The following CMSS1 variants were observed in gnomAD, a reference collection of about 807,000 sequenced individuals.
CMSS1 encodes cms1 ribosomal small subunit homolog.
CMSS1 carries 33 observed loss-of-function variants against 43.5 expected under a neutral mutation model. The ratio of observed to expected loss-of-function variants is 0.76; its 90% CI spans 0.57 to 1.01. CMSS1 has a LOEUF of 1.01. CMSS1 is among the 50% of genes least tolerant of loss of function. CMSS1 has a pLI of 0.00. For missense variants in CMSS1, 313 were observed against 326.4 expected (o/e 0.96, Z 0.32); for synonymous variants, 115 against 117.2 (o/e 0.98, Z 0.12).
chr3:99,931,565 C>G (rs567737736), intron 1 of CMSS1, among the ~76,000 whole-genome samples: 73 of 152,202 alleles, frequency 4.8e-4, no homozygotes, highest in Non-Finnish European at 6.6e-4. Context: ...TACAGAATTA[C>G]TGCATTATTT....
intron 1 of CMSS1, chr3:100,011,586 G>A (rs1276690031): frequency 2.6e-5 from 4 of 152,120 alleles, no homozygotes; most frequent in African/African-American, 9.7e-5. Context: ...AGCACTTATT[G>A]TTGCTGATTG....
At chr3:100,013,425 G>T (rs1459674108) in intron 1 of CMSS1, among the ~76,000 whole-genome samples, 1 of 151,538 alleles carries the variant, frequency 6.6e-6, no homozygotes, top group East Asian at 1.9e-4. Context: ...TATATTTTTA[G>T]TAGAGACCGG....
At chr3:99,955,509 G>A (rs577663561) in intron 1 of CMSS1, among the ~76,000 whole-genome samples, 1 of 152,148 alleles carries the variant, frequency 6.6e-6, no homozygotes, top group South Asian at 2.1e-4. Context: ...GTTGAATCAG[G>A]AAGCCAGTTC....
intron 1 of CMSS1, among the ~76,000 whole-genome samples, chr3:100,049,749 T>G (rs2065338706): frequency 6.6e-6 from 1 of 152,234 alleles, no homozygotes; most frequent in Non-Finnish European, 1.5e-5. Flanking sequence ...TACTTTCTCT[T>G]CCTTATGATT....
At chr3:100,035,305 A>C (rs1379065463) in intron 1 of CMSS1, among the ~76,000 whole-genome samples, 1 of 152,070 alleles carries the variant, frequency 6.6e-6, no homozygotes, top group Non-Finnish European at 1.5e-5. Context: ...ACACAGTCTC[A>C]CTCTGTCACC....
At chr3:100,035,030 CTCCA>C (rs1318441416) in intron 1 of CMSS1, among the ~76,000 whole-genome samples, 1 of 152,114 alleles carries the variant, frequency 6.6e-6, no homozygotes, top group East Asian at 1.9e-4. Flanking sequence ...AGGGGGTTCT[CTCCA>C]GATAGCTTGA....
chr3:99,875,065 AT>A (rs1705441916), intron 1 of CMSS1, among the ~76,000 whole-genome samples: 1 of 152,222 alleles, frequency 6.6e-6, no homozygotes, highest in Admixed American at 6.5e-5. Flanking sequence ...TTAAAGTTTT[AT>A]TTTACAATAT....
intron 1 of CMSS1, among the ~76,000 whole-genome samples, chr3:100,081,547 G>T (rs2065932119): frequency 6.6e-6 from 1 of 152,132 alleles, no homozygotes; most frequent in African/African-American, 2.4e-5. Flanking sequence ...GACTCATGAA[G>T]ATTCTTTGGT....
At chr3:99,991,657 A>G (rs574422208) in intron 1 of CMSS1, among the ~76,000 whole-genome samples, 1 of 151,942 alleles carries the variant, frequency 6.6e-6, no homozygotes, top group South Asian at 2.1e-4. Flanking sequence ...CTGTATGTCC[A>G]TGTATATCCA....
At chr3:99,819,447 T>C (rs1292811444) in intron 1 of CMSS1, among the ~76,000 whole-genome samples, 1 of 152,220 alleles carries the variant, frequency 6.6e-6, no homozygotes, top group Non-Finnish European at 1.5e-5. Context: ...GCAGTCAACA[T>C]GTATTGAGTA....
intron 1 of CMSS1, among the ~76,000 whole-genome samples, chr3:100,035,921 G>C (rs2065099747): frequency 6.6e-6 from 1 of 152,108 alleles, no homozygotes; most frequent in Admixed American, 6.6e-5. Flanking sequence ...TTTGAACTTT[G>C]TTGGGCTCTG....
At chr3:100,092,252 A>AT (rs2066123253) in intron 1 of CMSS1, among the ~76,000 whole-genome samples, 1 of 152,194 alleles carries the variant, frequency 6.6e-6, no homozygotes, top group Admixed American at 6.5e-5. Flanking sequence ...ATTGATTGTG[A>AT]TTGGAAATAG....
chr3:99,986,438 TAAC>T (rs768681846), intron 1 of CMSS1, among the ~76,000 whole-genome samples: 167 of 152,364 alleles, frequency 1.1e-3, no homozygotes, highest in Middle Eastern at 3.4e-3. Context: ...ACATTATTTT[TAAC>T]AACACAGTTT....
intron 1 of CMSS1, among the ~76,000 whole-genome samples, chr3:99,923,754 T>A (rs1707197065): frequency 3.3e-5 from 5 of 152,202 alleles, no homozygotes. Flanking sequence ...AATTTTCCAT[T>A]TGCTCCTTCA....
intron 1 of CMSS1, among the ~76,000 whole-genome samples, chr3:99,839,067 C>A (rs961685458): frequency 1.3e-5 from 2 of 152,092 alleles, no homozygotes; most frequent in African/African-American, 4.8e-5. Context: ...CTTGTGGGCA[C>A]CTCTTTGGAG....
chr3:99,877,237 C>T (rs866167669), intron 1 of CMSS1, among the ~76,000 whole-genome samples: 3 of 152,122 alleles, frequency 2.0e-5, no homozygotes, highest in Admixed American at 2.0e-4. Flanking sequence ...CCTTTTAAAA[C>T]CTCTTTTAAA....
At position 99,893,160 on chromosome 3, in the gene CMSS1, G is replaced by A. The variant is rs942656108; in HGVS notation, c.64+75117G>A. On this transcript the variant is annotated intron_variant, in intron 1 of 9. Transcript: ENST00000421999. ...TTTCCAGTAACAAAATTGGCATCTA[G>A]ACTTTTTTTTTTTTTTTTTTTTTGA... Among the ~76,000 whole-genome samples the A allele has an allele frequency of 6.5e-5, 9 of 138,006 alleles. No individual in the cohort carries two copies. In the East Asian group the frequency reaches 1.9e-3, roughly 29 times the overall value. The allele number at this position is 138,006 out of a possible 152,430, so 90.5% of individuals were successfully genotyped here.
At chr3:100,000,643 A>C (rs571874602) in intron 1 of CMSS1, among the ~76,000 whole-genome samples, 2 of 152,342 alleles carry the variant, frequency 1.3e-5, no homozygotes, top group East Asian at 3.9e-4. Context: ...TGGGCCCAGG[A>C]GTTCAAGGCC....
At chr3:99,926,944 C>T (rs960355327) in intron 1 of CMSS1, among the ~76,000 whole-genome samples, 2 of 152,198 alleles carry the variant, frequency 1.3e-5, no homozygotes, top group Non-Finnish European at 1.5e-5. Flanking sequence ...AGTCTGTCCT[C>T]ATCACTGACA....
Sources: allele counts gnomAD v4.1 joint callset (sites outside exome capture counted in the v4.1 genomes callset), GRCh38; gene constraint gnomAD v4.1.1; transcripts MANE v1.5; gene names NCBI Gene and HGNC (gene_info 2026-07-23, HGNC 2026-07-21).